The following CTNNA1 variants were observed in gnomAD, a reference collection of about 807,000 sequenced individuals.
The protein encoded by CTNNA1 is catenin alpha 1.
CTNNA1 carries 37 observed loss-of-function variants against 98.4 expected under a neutral mutation model. That is an observed-to-expected ratio of 0.38 (90% CI 0.29 to 0.49). The LOEUF (loss-of-function observed/expected upper bound fraction) is 0.49. Among genes scored for constraint, CTNNA1 ranks in the 20% least tolerant of loss-of-function variants. The pLI is 0.95. For synonymous variants in CTNNA1, 404 were observed against 413.2 expected (o/e 0.98, Z 0.27); for missense variants, 761 against 1,147.2 (o/e 0.66, Z 4.86).
intron 5 of CTNNA1, among the ~76,000 whole-genome samples, chr5:138,818,183 G>A (rs1009011706): frequency 6.7e-6 from 1 of 149,086 alleles, no homozygotes; most frequent in African/African-American, 2.5e-5. Context: ...AGGCCAGAGT[G>A]CAGTGGCATT....
intron 7 of CTNNA1, chr5:138,872,855 A>T (rs988701566): frequency 2.1e-5 from 11 of 523,462 alleles, no homozygotes; most frequent in Non-Finnish European, 3.3e-5. Flanking sequence ...TTCATTTAAA[A>T]AATTAAAAAT....
chr5:138,828,054 C>T (rs1015189392), intron 7 of CTNNA1: 1 of 226,180 alleles, frequency 4.4e-6, no homozygotes, highest in Non-Finnish European at 8.9e-6. Context: ...CTTTTTTCCC[C>T]CGAAGCCTTT....
At chr5:138,839,276 G>GTATA (rs1762069538) in intron 7 of CTNNA1, among the ~76,000 whole-genome samples, 1 of 151,920 alleles carries the variant, frequency 6.6e-6, no homozygotes, top group Non-Finnish European at 1.5e-5. Context: ...CAGGCTGGAA[G>GTATA]TATAGAGGCA....
intron 10 of CTNNA1, among the ~76,000 whole-genome samples, chr5:138,914,231 C>A (rs1761272901): frequency 6.6e-6 from 1 of 152,184 alleles, no homozygotes; most frequent in East Asian, 1.9e-4. Context: ...ATTCCCTGCC[C>A]ATGTTTACTT....
At chr5:138,903,881 A>T (rs934000651) in intron 9 of CTNNA1, among the ~76,000 whole-genome samples, 3 of 152,166 alleles carry the variant, frequency 2.0e-5, no homozygotes, top group Non-Finnish European at 1.5e-5. Context: ...TCTTGCCTTA[A>T]ATTAAGCATC....
chr5:138,908,323 T>C (rs1759746826), intron 10 of CTNNA1, among the ~76,000 whole-genome samples: 1 of 152,228 alleles, frequency 6.6e-6, no homozygotes. Context: ...AAATCCATTC[T>C]ACAGTACTCA....
intron 9 of CTNNA1, among the ~76,000 whole-genome samples, 190 bp from the exon 10 acceptor site, chr5:138,904,159 C>T (rs1413293704): frequency 6.6e-6 from 1 of 152,204 alleles, no homozygotes; most frequent in Non-Finnish European, 1.5e-5. Flanking sequence ...TGTTATGAGT[C>T]TGTATAGTTT....
At position 138,827,887 on chromosome 5, in the gene CTNNA1, T is replaced by C. The variant is rs4835705; in HGVS notation, c.1062+169T>C. 0.7 allele frequency: 502,378 copies of C among 716,372 alleles called. 178,127 individuals carry two copies. The highest frequency in any genetic ancestry group is 0.93 in the East Asian group (33,739 of 36,266). The allele number at this position is 716,372 out of a possible 1,614,324, so 44.4% of individuals were successfully genotyped here. On this transcript the variant is annotated intron_variant, in intron 7 of 17. Transcript: ENST00000302763. ...AAATGGATAAATGGCTAAGTGGCTC[T>C]TTCCTCTCTCCAGCTTATTGAGAAA...
chr5:138,919,382 G>C (rs897732617), intron 11 of CTNNA1, among the ~76,000 whole-genome samples: 3 of 152,146 alleles, frequency 2.0e-5, no homozygotes, highest in Admixed American at 6.5e-5. Flanking sequence ...TCTCAGGCTT[G>C]GTCTCAAGGG....
At chr5:138,768,004 G>A (rs573591158) in intron 1 of CTNNA1, among the ~76,000 whole-genome samples, 2 of 152,308 alleles carry the variant, frequency 1.3e-5, no homozygotes, top group Admixed American at 6.5e-5. Context: ...AACAAGATCC[G>A]CAGAAGTACT....
rs371295832 is a variant in CTNNA1, at chr5:138,873,742, A to G, written c.1063-12470A>G. On this transcript the variant is annotated intron_variant, in intron 7 of 17. Coordinates refer to ENST00000302763, the MANE Select transcript of CTNNA1 (RefSeq NM_001903.5). The surrounding 1 kb of genome is among the most constrained non-coding windows in gnomAD (Gnocchi z 6.1). ...GTATTTTAAGATTGGGCATCGTTTCAAACACTGTCAAGTCGATGGCTTTGA... is the reference window on the plus strand; with the variant it reads ...GTATTTTAAGATTGGGCATCGTTTCGAACACTGTCAAGTCGATGGCTTTGA... The G allele has an allele frequency of 6.2e-7, 1 of 1,614,040 alleles. No homozygotes were observed. Among genetic ancestry groups the G allele is most frequent in the East Asian group, 2.2e-5 (1 of 44,884 alleles).
At position 138,886,573 on chromosome 5, in the gene CTNNA1, A is replaced by G. The variant is rs1364434329; in HGVS notation, c.1143+281A>G. ...AAAATAAATTTAAAATGACTTGGAG[A>G]CCTGTGAAAATAATCCTGAAGGATC... is the stretch of plus-strand genomic sequence containing the variant. On this transcript the variant is annotated intron_variant, in intron 8 of 17. Coordinates refer to ENST00000302763, the MANE Select transcript of CTNNA1 (RefSeq NM_001903.5). Among the ~76,000 whole-genome samples the G allele has an allele frequency of 6.6e-5, 10 of 152,252 alleles. No homozygotes were observed. The East Asian group carries it at 1.9e-3, about 29-fold the overall frequency.
At chr5:138,772,977 A>G (rs547496968) in intron 1 of CTNNA1, among the ~76,000 whole-genome samples, 17 of 152,298 alleles carry the variant, frequency 1.1e-4, no homozygotes, top group Admixed American at 2.0e-4. Context: ...TTCATTTTAT[A>G]GATGATAAAA....
rs375048861 is a variant in CTNNA1, at chr5:138,933,769, C to T, written c.2434-33C>T. The T allele has an allele frequency of 6.0e-5, 96 of 1,601,750 alleles. 1 individual carries two copies. The African/African-American group carries it at 9.4e-4, about 16-fold the overall frequency. On this transcript the variant is annotated intron_variant, in intron 17 of 17. Transcript: ENST00000302763. ...GTGTCCACGAGGCTGGAGGTCAGGCCGGTGCTTCTTACCACCCCTGTCTGC... is the reference window on the plus strand; with the variant it reads ...GTGTCCACGAGGCTGGAGGTCAGGCTGGTGCTTCTTACCACCCCTGTCTGC...
chr5:138,811,906 G>A (rs1295499490), intron 4 of CTNNA1: 9 of 302,440 alleles, frequency 3.0e-5, no homozygotes, highest in East Asian at 2.7e-4. Flanking sequence ...GAGGGAGACC[G>A]TGGAAAGAGA....
chr5:138,760,623 C>G (rs148689984), intron 1 of CTNNA1, among the ~76,000 whole-genome samples: 1 of 152,070 alleles, frequency 6.6e-6, no homozygotes, highest in Non-Finnish European at 1.5e-5. Flanking sequence ...GCCTCAGCCT[C>G]GAAAACTGCT....
intron 1 of CTNNA1, among the ~76,000 whole-genome samples, chr5:138,770,028 G>T (rs961753706): frequency 6.6e-6 from 1 of 151,362 alleles, no homozygotes; most frequent in African/African-American, 2.4e-5. Context: ...TAGAGAGGGG[G>T]TTTCACCATG....
chr5:138,923,887 G>T (rs950665601), intron 11 of CTNNA1, among the ~76,000 whole-genome samples: 2 of 152,226 alleles, frequency 1.3e-5, no homozygotes, highest in African/African-American at 4.8e-5. Context: ...CTTCATAGGA[G>T]TCAGGGGTTT....
chr5:138,902,222 AC>A (rs1417700714), intron 9 of CTNNA1, among the ~76,000 whole-genome samples: 3 of 152,208 alleles, frequency 2.0e-5, no homozygotes, highest in East Asian at 3.8e-4. Flanking sequence ...GAGAGTACTT[AC>A]GTAATCTTTT....
Sources: gnomAD v4.1 joint callset for allele counts (sites outside exome capture counted in the v4.1 genomes callset) on GRCh38, gnomAD v4.1.1 for gene constraint, Gnocchi (gnomAD v3.1) non-coding constraint, MANE v1.5 for transcripts, NCBI Gene and HGNC (gene_info 2026-07-23, HGNC 2026-07-21) for gene names.